Variants in ETFA observed in about 807,000 individuals in gnomAD.
ETFA encodes electron transfer flavoprotein subunit alpha, mitochondrial.
Under a neutral mutation model 46.2 loss-of-function variants are expected in ETFA, and 22 were observed. That is an observed-to-expected ratio of 0.48 (90% CI 0.34 to 0.68). The LOEUF is 0.68. Ranked by LOEUF, ETFA falls within the 30% of genes least tolerant of loss-of-function variation. ETFA has a pLI of 0.01. For missense variants in ETFA, 345 were observed against 401.1 expected (o/e 0.86, Z 1.19); for synonymous variants, 131 against 139.9 (o/e 0.94, Z 0.45).
At chr15:76,241,961 T>G (rs1481497309) in intron 9 of ETFA, among the ~76,000 whole-genome samples, 3 of 151,556 alleles carry the variant, frequency 2.0e-5, no homozygotes, top group Non-Finnish European at 4.4e-5. Context: ...TTCAGCCTGC[T>G]GAGTAGCTGG....
intron 1 of ETFA, among the ~76,000 whole-genome samples, chr15:76,307,938 CA>C (rs1327441873): frequency 1.3e-5 from 2 of 151,986 alleles, no homozygotes; most frequent in South Asian, 2.1e-4. Flanking sequence ...AGCTACAGAA[CA>C]TTTTTTTTTT....
chr15:76,291,264 G>A (rs954499981), intron 4 of ETFA, among the ~76,000 whole-genome samples: 26 of 151,866 alleles, frequency 1.7e-4, no homozygotes, highest in Admixed American at 6.6e-5. Context: ...TCAACACGGC[G>A]AAACCCTGTC....
intron 2 of ETFA, among the ~76,000 whole-genome samples, chr15:76,293,114 G>T (rs558482465): frequency 3.0e-4 from 46 of 152,304 alleles, no homozygotes; most frequent in Non-Finnish European, 5.9e-5. Flanking sequence ...TCCAGACTGG[G>T]CGAAAGAGTG....
In ETFA at chr15:76,311,460, G is replaced by T; in HGVS notation, c.-72C>A. The T allele has an allele frequency of 6.6e-7, 1 of 1,523,460 alleles. No homozygotes were observed. 94.4% of individuals were successfully genotyped at this position (1,523,460 alleles called of 1,614,324 possible). A position where few individuals can be genotyped will look rare whatever the true frequency, so the allele number is the denominator to read the frequency against. The stretch of plus-strand genomic sequence containing the variant: ...CGGCCAACTGGCGCCGCCTCAGCCA[G>T]TCACCTAATGCTCGCGAGACGCGCG... On this transcript the variant is annotated 5_prime_UTR_variant, in exon 1 of 12. It adds an upstream start codon to the 5' untranslated region. Transcript: ENST00000557943.
intron 9 of ETFA, among the ~76,000 whole-genome samples, chr15:76,233,038 A>G (rs1020539587): frequency 6.6e-6 from 1 of 152,224 alleles, no homozygotes. Flanking sequence ...TTTTTGAATC[A>G]ACTTGTTCTA....
At chr15:76,265,403 G>A (rs1184590463) in intron 9 of ETFA, among the ~76,000 whole-genome samples, 1 of 152,202 alleles carries the variant, frequency 6.6e-6, no homozygotes, top group Non-Finnish European at 1.5e-5. Flanking sequence ...GGAGGCTTTG[G>A]TAGTACTAAT....
chr15:76,232,779 A>G (rs2039082621), intron 9 of ETFA, among the ~76,000 whole-genome samples: 1 of 152,174 alleles, frequency 6.6e-6, no homozygotes, highest in African/African-American at 2.4e-5. Flanking sequence ...CACCTCCAGC[A>G]CTGGTGCTTG....
chr15:76,266,429 T>C (rs963784328), intron 9 of ETFA, among the ~76,000 whole-genome samples: 3 of 152,224 alleles, frequency 2.0e-5, no homozygotes, highest in African/African-American at 7.2e-5. Context: ...AAAAATGTTA[T>C]ATTATCCATT....
intron 9 of ETFA, among the ~76,000 whole-genome samples, chr15:76,247,250 G>T (rs1245026969): frequency 6.6e-6 from 1 of 152,170 alleles, no homozygotes; most frequent in Non-Finnish European, 1.5e-5. Context: ...AGGTGCTTAT[G>T]AATCTAAGAG....
At chr15:76,268,433 C>T (rs944678921) in intron 9 of ETFA, among the ~76,000 whole-genome samples, 3 of 152,134 alleles carry the variant, frequency 2.0e-5, no homozygotes, top group Non-Finnish European at 4.4e-5. Context: ...CAGAGTCATG[C>T]TGACATCAAC....
chr15:76,307,240 C>T (rs2039947774), intron 1 of ETFA, among the ~76,000 whole-genome samples: 1 of 152,184 alleles, frequency 6.6e-6, no homozygotes, highest in South Asian at 2.1e-4. Context: ...TATTAACTAA[C>T]TGCAAATGCC....
chr15:76,272,387 A>T (rs193017608), intron 9 of ETFA, among the ~76,000 whole-genome samples: 260 of 151,896 alleles, frequency 1.7e-3, no homozygotes, highest in African/African-American at 6.0e-3. Flanking sequence ...CACCCAGCTA[A>T]TTTTTTGTAT....
chr15:76,285,888 T>C (rs915008551), intron 6 of ETFA, 150 bp from the exon 7 acceptor site: 26 of 658,754 alleles, frequency 3.9e-5, no homozygotes, highest in African/African-American at 2.9e-4. Flanking sequence ...TTCTCTCTGA[T>C]AATGGAAAGA....
intron 2 of ETFA, 76 bp from the exon 3 acceptor site, chr15:76,292,776 C>T (rs1395496478): frequency 1.0e-6 from 1 of 996,096 alleles, no homozygotes; most frequent in Non-Finnish European, 1.6e-6. Flanking sequence ...TAAATATCAA[C>T]AGATCATAAA....
At chr15:76,229,346 C>A (rs567371061) in intron 10 of ETFA, among the ~76,000 whole-genome samples, 1 of 152,334 alleles carries the variant, frequency 6.6e-6, no homozygotes, top group South Asian at 2.1e-4. Flanking sequence ...TAATAAACAT[C>A]TGTTGACTAG....
At chr15:76,260,508 A>C (rs2039398521) in intron 9 of ETFA, 1 of 1,516,284 alleles carries the variant, frequency 6.6e-7, no homozygotes, top group Admixed American at 1.7e-5. Context: ...TCCACAGCCA[A>C]CTGCACTGGA....
intron 1 of ETFA, among the ~76,000 whole-genome samples, chr15:76,310,856 C>T (rs2039990248): frequency 6.6e-6 from 1 of 151,490 alleles, no homozygotes; most frequent in South Asian, 2.1e-4. Context: ...CCCCACCCCA[C>T]CCCCGCCCTT....
intron 9 of ETFA, among the ~76,000 whole-genome samples, chr15:76,270,853 C>T (rs561009642): frequency 2.2e-4 from 34 of 152,200 alleles, no homozygotes; most frequent in African/African-American, 8.2e-4. Context: ...TAAGTCCATA[C>T]TGATATAAAC....
rs918877672 is a variant in ETFA at position 76,259,533 on chromosome 15, C to T, written c.816+14879G>A. 3.7e-5 allele frequency: 35 copies of T among 940,810 alleles called. No homozygotes were observed. The South Asian group carries it at 3.9e-4, about 11-fold the overall frequency. 58.3% of individuals were successfully genotyped at this position (940,810 alleles called of 1,614,324 possible). ...GATGCCAGCGTATGGTGTCTGCCCA[C>T]GTGTCATGATCTCCCACATGGTCAC... On this transcript the variant is annotated intron_variant, in intron 9 of 11. Coordinates refer to ENST00000557943, the MANE Select transcript of ETFA (RefSeq NM_000126.4).
Sources: gnomAD v4.1 joint callset for allele counts (sites outside exome capture counted in the v4.1 genomes callset) on GRCh38, gnomAD v4.1.1 for gene constraint, MANE v1.5 for transcripts, NCBI Gene and HGNC (gene_info 2026-07-23, HGNC 2026-07-21) for gene names.